Variants in KIRREL3 observed in about 807,000 individuals in gnomAD.
The protein encoded by KIRREL3 is kirre like nephrin family adhesion molecule 3, also known as kin of IRRE-like protein 3.
In KIRREL3, 36 loss-of-function variants were observed where a neutral mutation model predicts 89.7. The observed-to-expected ratio is 0.40, with a 90% CI of 0.31 to 0.53. The LOEUF (loss-of-function observed/expected upper bound fraction) is 0.53, where lower values mean the gene tolerates loss of function less well. KIRREL3 is among the 20% of genes least tolerant of loss of function. The pLI is 0.49. For synonymous variants in KIRREL3, 445 were observed against 441.4 expected (o/e 1.01, Z -0.10); for missense variants, 864 against 1,056.6 (o/e 0.82, Z 2.53).
chr11:126,979,169 A>G (rs1406474457), intron 1 of KIRREL3, among the ~76,000 whole-genome samples: 1 of 152,226 alleles, frequency 6.6e-6, no homozygotes, highest in Non-Finnish European at 1.5e-5. Context: ...TTCCATTGTC[A>G]ATGCTCCACA....
At chr11:126,760,357 T>C (rs1177673315) in intron 1 of KIRREL3, among the ~76,000 whole-genome samples, 3 of 152,260 alleles carry the variant, frequency 2.0e-5, no homozygotes, top group Non-Finnish European at 4.4e-5. Flanking sequence ...GAGCCTTCTA[T>C]GCTCAGCCTA....
intron 1 of KIRREL3, among the ~76,000 whole-genome samples, chr11:126,923,234 CTTCTTCTTCTTCTTCTTCTTCTTCTTCTT>C (rs1947507897): frequency 2.2e-5 from 1 of 46,354 alleles, no homozygotes; most frequent in Non-Finnish European, 4.6e-5. Flanking sequence ...TCTTCTTCTT[CTTCTTCTTCTTCTTCTTCTTCTTCTTCTT>C]CTTCTCCTTC....
Position 126,995,146 on chromosome 11 carries a change from C to T in KIRREL3, c.55+5309G>A, listed in dbSNP as rs757268894. 1 of 455,392 alleles carries T rather than the reference C, an allele frequency of 2.2e-6. No homozygotes were observed. The highest frequency in any genetic ancestry group is 1.6e-5 in the South Asian group (1 of 64,490). 28.2% of individuals were successfully genotyped at this position (455,392 alleles called of 1,614,324 possible). A position where few individuals can be genotyped will look rare whatever the true frequency, so the allele number is the denominator to read the frequency against. On this transcript the variant is annotated intron_variant, in intron 1 of 16. Coordinates refer to ENST00000525144, the MANE Select transcript of KIRREL3 (RefSeq NM_032531.4). The surrounding 1 kb of genome is among the most constrained non-coding windows in gnomAD (Gnocchi z 6.5). ...TTGCTGCTCACTCCCTTACGAATAGCTGTGATGGGATATGAAATCCAAGGG... is the reference window on the plus strand; with the variant it reads ...TTGCTGCTCACTCCCTTACGAATAGTTGTGATGGGATATGAAATCCAAGGG...
rs138557206 is a variant in KIRREL3 at position 126,876,595 on chromosome 11, C to T, written c.55+123860G>A. Among the ~76,000 whole-genome samples the T allele has an allele frequency of 0.013, 1,893 of 149,332 alleles. 23 individuals carry two copies. The highest frequency in any genetic ancestry group is 0.11 in the Middle Eastern group (32 of 288). On this transcript the variant is annotated intron_variant, in intron 1 of 16. Transcript: ENST00000525144. The surrounding 1 kb of genome is among the most constrained non-coding windows in gnomAD (Gnocchi z 4.1). ...CTCTGTCACCCAGGCTGGAGTGCAG[C>T]GGTGCGACCTTGGCCCACTGCAACC...
In KIRREL3 at chr11:126,446,891, G is replaced by A. The variant is rs765365643; in HGVS notation, c.998-5C>T. The stretch of plus-strand genomic sequence containing the variant: ...CTGTGGTCATCCGGGGCCCAACTGC[G>A]ATGTGAGGAAGAAGAAGACAGGTTC... On this transcript the variant is annotated splice_region_variant and splice_polypyrimidine_tract_variant and intron_variant, in intron 8 of 16. Transcript: ENST00000525144. 1.8e-5 allele frequency: 29 copies of A among 1,604,654 alleles called. No individual in the cohort carries two copies. The highest frequency in any genetic ancestry group is 5.6e-5 in the South Asian group (5 of 88,912).
At chr11:126,810,063 C>T (rs545053687) in intron 1 of KIRREL3, among the ~76,000 whole-genome samples, 30 of 152,210 alleles carry the variant, frequency 2.0e-4, no homozygotes, top group Non-Finnish European at 3.8e-4. Flanking sequence ...GGAAAGGCAG[C>T]GTGTTGAGTC....
Position 126,568,950 on chromosome 11 carries a change from A to G in KIRREL3, c.56-6038T>C, listed in dbSNP as rs565512633. On this transcript the variant is annotated intron_variant, in intron 1 of 16. Transcript: ENST00000525144. The surrounding 1 kb of genome is among the most constrained non-coding windows in gnomAD (Gnocchi z 4.6). ...CCAGGTTAGCACGTAGCCAACAGTGACATGGACTGGAAATGTGAGGCCAGT... is the reference window on the plus strand; with the variant it reads ...CCAGGTTAGCACGTAGCCAACAGTGGCATGGACTGGAAATGTGAGGCCAGT... 1.6e-4 allele frequency among the ~76,000 whole-genome samples: 25 copies of G among 152,254 alleles called. No individual in the cohort carries two copies. The highest frequency in any genetic ancestry group is 6.0e-4 in the African/African-American group (25 of 41,556).
intron 1 of KIRREL3, among the ~76,000 whole-genome samples, chr11:126,803,349 C>T (rs985624801): frequency 6.6e-6 from 1 of 151,968 alleles, no homozygotes; most frequent in Admixed American, 6.6e-5. Flanking sequence ...TAGAGGAAAC[C>T]GTGTGTACAA....
chr11:126,472,893 C>T (rs1956938243), intron 5 of KIRREL3, among the ~76,000 whole-genome samples: 1 of 151,400 alleles, frequency 6.6e-6, no homozygotes, highest in South Asian at 2.1e-4. Context: ...TGCAGAGAGA[C>T]AGGGCAGCTG....
intron 1 of KIRREL3, among the ~76,000 whole-genome samples, chr11:126,863,276 C>T (rs949209885): frequency 6.6e-6 from 1 of 150,874 alleles, no homozygotes; most frequent in African/African-American, 2.4e-5. Flanking sequence ...CTCTTCCTGG[C>T]TGCTCAGGAA....
chr11:126,492,336 A>G lies in KIRREL3; in HGVS notation c.434-18870T>C, dbSNP rs988826117. Among the ~76,000 whole-genome samples, 1 of 152,108 alleles carries G rather than the reference A, an allele frequency of 6.6e-6. No individual in the cohort carries two copies. Among genetic ancestry groups the G allele is most frequent in the Non-Finnish European group, 1.5e-5 (1 of 68,010 alleles). On this transcript the variant is annotated intron_variant, in intron 4 of 16. Transcript: ENST00000525144. This position sits in a 1 kb window ranked among gnomAD's most constrained non-coding sequence, Gnocchi z 4.8. ...CTACCCCCGATGAGGGATGAGGTGG[A>G]TGTGACAAGGTGACATGACCCTAAG...
Position 126,611,235 on chromosome 11 carries a change from C to T in KIRREL3, c.56-48323G>A, listed in dbSNP as rs1000737224. On this transcript the variant is annotated intron_variant, in intron 1 of 16. Coordinates refer to ENST00000525144, the MANE Select transcript of KIRREL3 (RefSeq NM_032531.4). This position sits in a 1 kb window ranked among gnomAD's most constrained non-coding sequence, Gnocchi z 4.7. Reference sequence around the variant, plus strand: ...TACATGTAACGTTCTTGGCTCACAGCGCCCGGTGAATGTTAGCTGCTATTA... The same window carrying T: ...TACATGTAACGTTCTTGGCTCACAGTGCCCGGTGAATGTTAGCTGCTATTA... 5.3e-5 allele frequency among the ~76,000 whole-genome samples: 8 copies of T among 152,184 alleles called. No individual in the cohort carries two copies. The highest frequency in any genetic ancestry group is 1.4e-4 in the African/African-American group (6 of 41,446).
chr11:126,652,065 GCTC>G lies in KIRREL3; in HGVS notation c.56-89156_56-89154del, dbSNP rs1944926504. On this transcript the variant is annotated intron_variant, in intron 1 of 16. Transcript: ENST00000525144. This position sits in a 1 kb window ranked among gnomAD's most constrained non-coding sequence, Gnocchi z 4.9. Reference sequence around the variant, plus strand: ...CCAAAGAAAAGATGAAATGGTGAGGGCTCATCAATTCTGGGCCAGGAGGAAGAT... The same window carrying G: ...CCAAAGAAAAGATGAAATGGTGAGGGATCAATTCTGGGCCAGGAGGAAGAT... Among the ~76,000 whole-genome samples the G allele has an allele frequency of 6.6e-6, 1 of 152,164 alleles. No homozygotes were observed. Among genetic ancestry groups the G allele is most frequent in the Non-Finnish European group, 1.5e-5 (1 of 68,028 alleles).
At chr11:126,633,650 A>G (rs1944142802) in intron 1 of KIRREL3, among the ~76,000 whole-genome samples, 1 of 152,162 alleles carries the variant, frequency 6.6e-6, no homozygotes, top group African/African-American at 2.4e-5. Context: ...TGCTGGCACA[A>G]TGCTTCTTGC....
chr11:126,942,687 A>G (rs1948492084), intron 1 of KIRREL3, among the ~76,000 whole-genome samples: 1 of 152,182 alleles, frequency 6.6e-6, no homozygotes, highest in Non-Finnish European at 1.5e-5. Flanking sequence ...CCTTCAGTGT[A>G]ATGCAACCTC....
At chr11:126,621,030 A>G (rs183961897) in intron 1 of KIRREL3, among the ~76,000 whole-genome samples, 1 of 152,250 alleles carries the variant, frequency 6.6e-6, no homozygotes, top group Non-Finnish European at 1.5e-5. Context: ...AGCGAATGCA[A>G]AGGGCAAAGT....
chr11:126,719,505 G>C lies in KIRREL3; in HGVS notation c.56-156593C>G, dbSNP rs1044672947. On this transcript the variant is annotated intron_variant, in intron 1 of 16. Transcript: ENST00000525144. The surrounding 1 kb of genome is among the most constrained non-coding windows in gnomAD (Gnocchi z 4.7). The stretch of plus-strand genomic sequence containing the variant: ...TAGTCCCATGGCTTTCATTCCACCC[G>C]CATGCTGAAGTCTACTTCCTTGCTG... Among the ~76,000 whole-genome samples the C allele has an allele frequency of 6.6e-6, 1 of 152,002 alleles. No homozygotes were observed. The highest frequency in any genetic ancestry group is 1.5e-5 in the Non-Finnish European group (1 of 67,998).
At chr11:126,483,577 G>A (rs1268435417) in intron 4 of KIRREL3, among the ~76,000 whole-genome samples, 2 of 152,176 alleles carry the variant, frequency 1.3e-5, no homozygotes, top group South Asian at 2.1e-4. Context: ...CCAGGTGACT[G>A]TTCTGGAAGC....
At chr11:126,853,397 A>G (rs898065496) in intron 1 of KIRREL3, among the ~76,000 whole-genome samples, 2 of 152,210 alleles carry the variant, frequency 1.3e-5, no homozygotes, top group African/African-American at 4.8e-5. Flanking sequence ...GACTGTTTTC[A>G]TTTATAACAA....
Sources: gnomAD v4.1 joint callset for allele counts (sites outside exome capture counted in the v4.1 genomes callset) on GRCh38, gnomAD v4.1.1 for gene constraint, Gnocchi (gnomAD v3.1) non-coding constraint, MANE v1.5 for transcripts, NCBI Gene and HGNC (gene_info 2026-07-23, HGNC 2026-07-21) for gene names.